Variants in C12orf54 observed in about 807,000 individuals in gnomAD.
C12orf54 encodes the protein chromosome 12 open reading frame 54.
In C12orf54, 24 loss-of-function variants were observed where a neutral mutation model predicts 26.4. That is an observed-to-expected ratio of 0.91 (90% confidence interval 0.66 to 1.28). The LOEUF is 1.28. Ranked by LOEUF, C12orf54 falls within the 50% of genes most tolerant of loss-of-function variation. The probability of loss-of-function intolerance (pLI) is 0.00; values close to 1 mark genes in which losing one functional copy is unlikely to be tolerated. For synonymous variants in C12orf54, 54 were observed against 47.0 expected, an observed-to-expected ratio of 1.15 and a Z score of -0.61; for missense variants, 154 against 150.9, an observed-to-expected ratio of 1.02 and a Z score of -0.11.
chr12:48,413,457 C>G, the C12orf54 span, among the ~76,000 whole-genome samples: 2 of 152,194 alleles, frequency 1.3e-5, no homozygotes, highest in African/African-American at 4.8e-5. Context: ...CCTGAGGCCA[C>G]TGAGGAGGTT....
intron 2 of C12orf54, among the ~76,000 whole-genome samples, chr12:48,483,981 G>A (rs1192254442): frequency 6.6e-6 from 1 of 152,144 alleles, no homozygotes; most frequent in Non-Finnish European, 1.5e-5. Context: ...ATCACCTGAG[G>A]TTGGGAGTTC....
intron 2 of C12orf54, 132 bp downstream of exon 2, chr12:48,483,493 T>C: frequency 1.5e-6 from 1 of 680,504 alleles, no homozygotes; most frequent in Non-Finnish European, 2.5e-6. Flanking sequence ...GATGGGGACT[T>C]TCATGTGTCC....
At chr12:48,481,755 G>A (rs1029730495), upstream of C12orf54, among the ~76,000 whole-genome samples, 1 of 152,102 alleles carries the variant, frequency 6.6e-6, no homozygotes, top group African/African-American at 2.4e-5. Context: ...TATGGGACCT[G>A]AAAGGTACTA....
chr12:48,437,315 C>T, the C12orf54 span, among the ~76,000 whole-genome samples: 1 of 152,130 alleles, frequency 6.6e-6, no homozygotes, highest in Non-Finnish European at 1.5e-5. Context: ...TGAATTCTAC[C>T]AGAAGTACAA....
intron 2 of C12orf54, among the ~76,000 whole-genome samples, chr12:48,485,674 A>G (rs1178744334): frequency 6.6e-6 from 1 of 152,204 alleles, no homozygotes; most frequent in African/African-American, 2.4e-5. Flanking sequence ...TAAGAGCTTC[A>G]GTTGTGCTGC....
chr12:48,472,797 G>T, the C12orf54 span: 8 of 1,614,000 alleles, frequency 5.0e-6, no homozygotes, highest in Admixed American at 6.7e-5. Context: ...TGAAGAACTG[G>T]AATTATTAAA....
chr12:48,426,023 A>C, the C12orf54 span, among the ~76,000 whole-genome samples: 1 of 150,230 alleles, frequency 6.7e-6, no homozygotes, highest in Non-Finnish European at 1.5e-5. Flanking sequence ...ATTTTATCCC[A>C]TTCTGTAGGT....
At chr12:48,438,086 A>G in the C12orf54 span, among the ~76,000 whole-genome samples, 4 of 152,158 alleles carry the variant, frequency 2.6e-5, no homozygotes, top group Admixed American at 2.0e-4. Flanking sequence ...TACAAAAATC[A>G]CAAGCATTCT....
At chr12:48,442,286 G>T in the C12orf54 span, 1 of 173,238 alleles carries the variant, frequency 5.8e-6, no homozygotes, top group South Asian at 1.6e-4. Flanking sequence ...CAGGATGGTG[G>T]ACAAAATGCA....
At chr12:48,475,502 A>AC in the C12orf54 span, among the ~76,000 whole-genome samples, 5 of 152,320 alleles carry the variant, frequency 3.3e-5, no homozygotes, top group South Asian at 8.3e-4. Flanking sequence ...TTTGAAAAAA[A>AC]AATTAGATGA....
the C12orf54 span, among the ~76,000 whole-genome samples, chr12:48,438,946 A>G: frequency 6.6e-6 from 1 of 152,200 alleles, no homozygotes; most frequent in Non-Finnish European, 1.5e-5. Context: ...AGCAAAAGAA[A>G]CTACCATCAG....
the C12orf54 span, among the ~76,000 whole-genome samples, chr12:48,464,865 T>C: frequency 0.025 from 3,746 of 152,250 alleles, 164 homozygotes; most frequent in African/African-American, 0.085. Context: ...TGGCTAGTCA[T>C]ATGCAGAAGA....
chr12:48,476,459 T>G, the C12orf54 span, among the ~76,000 whole-genome samples: 22,454 of 152,012 alleles, frequency 0.15, 2,878 homozygotes, highest in East Asian at 0.66. Context: ...GCAAATTGGA[T>G]AAAGAGTCAA....
At chr12:48,450,005 C>T in the C12orf54 span, among the ~76,000 whole-genome samples, 1 of 152,210 alleles carries the variant, frequency 6.6e-6, no homozygotes, top group South Asian at 2.1e-4. Flanking sequence ...AAGAAGCACC[C>T]TCTGCCATGA....
chr12:48,465,713 C>T, the C12orf54 span, among the ~76,000 whole-genome samples: 2 of 152,094 alleles, frequency 1.3e-5, no homozygotes. Context: ...TACATACACA[C>T]CATGATACTA....
chr12:48,426,104 C>A, the C12orf54 span, among the ~76,000 whole-genome samples: 9 of 151,968 alleles, frequency 5.9e-5, no homozygotes, highest in Admixed American at 1.3e-4. Context: ...TCCCATTTGT[C>A]CCCTTTTGCT....
chr12:48,467,932 A>G, the C12orf54 span, among the ~76,000 whole-genome samples: 3 of 152,128 alleles, frequency 2.0e-5, no homozygotes, highest in Non-Finnish European at 2.9e-5. Flanking sequence ...ATGCCCTTGT[A>G]TCCTCATCAC....
the C12orf54 span, among the ~76,000 whole-genome samples, chr12:48,426,277 G>A: frequency 2.0e-5 from 3 of 151,930 alleles, no homozygotes; most frequent in African/African-American, 7.3e-5. Flanking sequence ...TATAAGAAAG[G>A]GGTCCAGTTT....
chr12:48,482,600 C>G (rs1954209483), intron 1 of C12orf54, 24 bp downstream of exon 1: 1 of 152,044 alleles, frequency 6.6e-6, no homozygotes, highest in Non-Finnish European at 1.5e-5. Context: ...CATAATTGAC[C>G]TCGTTCTTGA....
Sources: allele counts gnomAD v4.1 joint callset (sites outside exome capture counted in the v4.1 genomes callset), GRCh38; gene constraint gnomAD v4.1.1; transcripts MANE v1.5; gene names NCBI Gene and HGNC (gene_info 2026-07-23, HGNC 2026-07-21).